MMADHC: variants seen among roughly 807,000 people sequenced by gnomAD.
MMADHC encodes the protein metabolism of cobalamin associated D.
Under a neutral mutation model 36.3 loss-of-function variants are expected in MMADHC, and 23 were observed. The ratio of observed to expected loss-of-function variants is 0.63; its 90% CI spans 0.46 to 0.90. The LOEUF (loss-of-function observed/expected upper bound fraction) is 0.90, where lower values mean the gene tolerates loss of function less well. Ranked by LOEUF, MMADHC falls within the 40% of genes least tolerant of loss-of-function variation. The probability of loss-of-function intolerance (pLI) is 0.00; values close to 1 mark genes in which losing one functional copy is unlikely to be tolerated. For synonymous variants in MMADHC, 97 were observed against 116.1 expected (o/e 0.84, Z 1.06); for missense variants, 330 against 348.0 (o/e 0.95, Z 0.41).
At chr2:149,575,263 TTATTGTACTGCA>T (rs549445595) in intron 6 of MMADHC, among the ~76,000 whole-genome samples, 4 of 152,272 alleles carry the variant, frequency 2.6e-5, no homozygotes, top group African/African-American at 9.6e-5. Flanking sequence ...TATTACACTA[TTATTGTACTGCA>T]TACTGTTACT....
chr2:149,575,568 A>G, intron 6 of MMADHC, 143 bp downstream of exon 6: 1 of 588,092 alleles, frequency 1.7e-6, no homozygotes, highest in Non-Finnish European at 2.7e-6. Context: ...TACTCTCAAA[A>G]AAGATGTAAG....
At chr2:149,572,018 T>C (rs1256472772) in intron 6 of MMADHC, among the ~76,000 whole-genome samples, 1 of 152,158 alleles carries the variant, frequency 6.6e-6, no homozygotes, top group Non-Finnish European at 1.5e-5. Context: ...CTTTTCATTA[T>C]ATACTCTTCT....
intron 2 of MMADHC, among the ~76,000 whole-genome samples, chr2:149,584,599 A>G (rs1682836954): frequency 6.6e-6 from 1 of 152,266 alleles, no homozygotes; most frequent in South Asian, 2.1e-4. Context: ...AACAAAAGTT[A>G]TATAATAAAA....
At chr2:149,578,031 AAAC>A (rs369345545) in intron 4 of MMADHC, among the ~76,000 whole-genome samples, 2,188 of 152,156 alleles carry the variant, frequency 0.014, 29 homozygotes, top group Middle Eastern at 0.017. Context: ...CAAACAAACC[AAAC>A]AACAACAACA....
intron 2 of MMADHC, among the ~76,000 whole-genome samples, chr2:149,582,676 C>G (rs886843982): frequency 2.0e-5 from 3 of 152,150 alleles, no homozygotes; most frequent in Admixed American, 1.3e-4. Flanking sequence ...GAACTTTTCT[C>G]TCTTCTTTTA....
chr2:149,570,287 T>A, intron 7 of MMADHC, 119 bp from the exon 8 acceptor site: 1 of 889,488 alleles, frequency 1.1e-6, no homozygotes, highest in Non-Finnish European at 1.8e-6. Flanking sequence ...ACTAAATAAG[T>A]AAAAAGTCAC....
chr2:149,574,929 A>T (rs2105044902), intron 6 of MMADHC, among the ~76,000 whole-genome samples: 1 of 152,192 alleles, frequency 6.6e-6, no homozygotes, highest in South Asian at 2.1e-4. Context: ...CCTCCAGAGT[A>T]GCTGGGACTA....
chr2:149,569,899 C>T lies in MMADHC; in HGVS notation c.*75G>A. The T allele has an allele frequency of 7.6e-7, 1 of 1,315,288 alleles. No individual in the cohort carries two copies. The highest frequency in any genetic ancestry group is 1.1e-6 in the Non-Finnish European group (1 of 927,084). The allele number at this position is 1,315,288 out of a possible 1,614,324, so 81.5% of individuals were successfully genotyped here. On this transcript the variant is annotated 3_prime_UTR_variant, in exon 8 of 8. Transcript: ENST00000303319. ...CTTAGAAATAAATATATTTTAAAAA[C>T]TTTAGTCTGACAGTGTTTATAGATC... is the stretch of plus-strand genomic sequence containing the variant.
intron 2 of MMADHC, 57 bp from the exon 3 acceptor site, chr2:149,582,328 T>A (rs1025774886): frequency 1.8e-5 from 29 of 1,572,210 alleles, no homozygotes; most frequent in Non-Finnish European, 2.4e-5. Context: ...TATACTTACA[T>A]AGACAATCTC....
Position 149,579,578 on chromosome 2 carries a change from A to G in MMADHC, c.225T>C (p.Pro75=), listed in dbSNP as rs1320327395. 9 of 1,613,968 alleles carry G rather than the reference A, an allele frequency of 5.6e-6. No homozygotes were observed. Among genetic ancestry groups the G allele is most frequent in the Non-Finnish European group, 6.8e-6 (8 of 1,179,992 alleles). ...FGPQDQRFQL[P]GNIGFDCHLN... The stretch of plus-strand genomic sequence containing the variant: ...GGTGACAATCAAAACCTATGTTCCC[A>G]GGAAGCTGGAACCTCTGATCTTGAG... The change falls in exon 4 of 8, where the codon CCT becomes CCC. Residue 75 remains proline, a synonymous_variant. Coordinates refer to ENST00000303319, the MANE Select transcript of MMADHC (RefSeq NM_015702.3).
intron 3 of MMADHC, among the ~76,000 whole-genome samples, chr2:149,581,265 T>C (rs903976477): frequency 1.3e-5 from 2 of 152,218 alleles, no homozygotes; most frequent in Middle Eastern, 3.2e-3. Flanking sequence ...ACTAACATCT[T>C]ATATAATTTG....
At chr2:149,579,968 G>A (rs187952740) in intron 3 of MMADHC, among the ~76,000 whole-genome samples, 1 of 152,248 alleles carries the variant, frequency 6.6e-6, no homozygotes, top group Admixed American at 6.5e-5. Flanking sequence ...AGGATACAAT[G>A]CGTTAAAAGA....
At position 149,587,106 on chromosome 2, in the gene MMADHC, G is replaced by C. The variant is rs73965920; in HGVS notation, c.-9C>G. 2 of 1,613,824 alleles carry C rather than the reference G, an allele frequency of 1.2e-6. No homozygotes were observed. The highest frequency in any genetic ancestry group is 1.7e-6 in the Non-Finnish European group (2 of 1,179,688). ...TTACTCACATTGGCCATCTCCGCTGGAGAAGATAGTTCGCAAAATAGCTTT... is the reference window on the plus strand; with the variant it reads ...TTACTCACATTGGCCATCTCCGCTGCAGAAGATAGTTCGCAAAATAGCTTT... On this transcript the variant is annotated 5_prime_UTR_variant, in exon 2 of 8. Coordinates refer to ENST00000303319, the MANE Select transcript of MMADHC (RefSeq NM_015702.3).
Position 149,579,630 on chromosome 2 carries a change from G to C in MMADHC, c.173C>G (p.Pro58Arg). The change falls in exon 4 of 8, where the codon CCT (proline) becomes CGT (arginine). Residue 58 changes from proline (P) to arginine (R), a missense_variant. By Grantham distance (103) the Pro-to-Arg change is moderately radical. Coordinates refer to ENST00000303319, the MANE Select transcript of MMADHC (RefSeq NM_015702.3). ...TCCAAAGGGTCCCATAGTTTCATCA[G>C]GCCACACTGTTCGAGAGCCTGAAGA... ...PPDICSRTVW[P>R]DETMGPFGPQ... is the part of the protein sequence containing the mutation. 1.2e-6 allele frequency: 2 copies of C among 1,613,852 alleles called. No individual in the cohort carries two copies. Among genetic ancestry groups the C allele is most frequent in the South Asian group, 2.2e-5 (2 of 91,084 alleles).
chr2:149,575,797 T>A lies in MMADHC; in HGVS notation c.523A>T (p.Ile175Phe). The A allele has an allele frequency of 6.2e-7, 1 of 1,607,758 alleles. No individual in the cohort carries two copies. The highest frequency in any genetic ancestry group is 8.5e-7 in the Non-Finnish European group (1 of 1,175,138). Residue 175 changes from isoleucine to phenylalanine, a missense_variant, in exon 6 of 8, where the codon ATT becomes TTT. Coordinates refer to ENST00000303319, the MANE Select transcript of MMADHC (RefSeq NM_015702.3). ...FPEVANGKLMILTVTQKTKND... is the reference protein window; with the variant it reads ...FPEVANGKLMFLTVTQKTKND... Reference sequence around the variant, plus strand: ...TTAGTTTTTTGTGTTACAGTCAGAATCATTAGTTTGCCATTAGCTACTTCT... The same window carrying A: ...TTAGTTTTTTGTGTTACAGTCAGAAACATTAGTTTGCCATTAGCTACTTCT...
At chr2:149,579,970 G>A (rs553971167) in intron 3 of MMADHC, among the ~76,000 whole-genome samples, 31 of 152,228 alleles carry the variant, frequency 2.0e-4, no homozygotes, top group South Asian at 8.3e-4. Context: ...GATACAATGC[G>A]TTAAAAGAAA....
rs777848447 is a variant in MMADHC at position 149,582,243 on chromosome 2, G to A, written c.38C>T (p.Ser13Phe). Residue 13 changes from serine to phenylalanine, a missense_variant, in exon 3 of 8, where the codon TCC (serine) becomes TTC (phenylalanine). Transcript: ENST00000303319. ...TAAAGAGCAAAATCCTGGGAGATAG[G>A]AAACCAGTCTGGCTCTGTTACAAAG... ...NVLCNRARLV[S>F]YLPGFCSLVK... is the part of the protein sequence containing the mutation. The A allele has an allele frequency of 1.9e-6, 3 of 1,613,670 alleles. No individual in the cohort carries two copies. The highest frequency in any genetic ancestry group is 2.7e-5 in the African/African-American group (2 of 74,892).
chr2:149,571,190 A>G lies in MMADHC; in HGVS notation c.610-19T>C. ...TGATGAACTGCAATGGAAGTCACAA[A>G]TAATATGCTTAAGATAGCATTACTA... On this transcript the variant is annotated intron_variant, in intron 6 of 7. Transcript: ENST00000303319. 6.6e-7 allele frequency: 1 copy of G among 1,522,072 alleles called. No individual in the cohort carries two copies. The highest frequency in any genetic ancestry group is 9.1e-7 in the Non-Finnish European group (1 of 1,101,214). 94.3% of individuals were successfully genotyped at this position (1,522,072 alleles called of 1,614,324 possible).
chr2:149,578,199 C>T (rs1419053457), intron 4 of MMADHC, among the ~76,000 whole-genome samples: 1 of 152,162 alleles, frequency 6.6e-6, no homozygotes, highest in East Asian at 1.9e-4. Context: ...GACAAAGAGG[C>T]CTTGAACTCT....
Sources: allele counts gnomAD v4.1 joint callset (sites outside exome capture counted in the v4.1 genomes callset), GRCh38; gene constraint gnomAD v4.1.1; transcripts MANE v1.5; gene names NCBI Gene and HGNC (gene_info 2026-07-23, HGNC 2026-07-21).